Variants in MPP4 observed in about 807,000 individuals in gnomAD.
MPP4 encodes MAGUK p55 subfamily member 4.
In MPP4, 91 loss-of-function variants were observed where a neutral mutation model predicts 98.3. The observed-to-expected ratio is 0.93, with a 90% CI of 0.78 to 1.10. The LOEUF is 1.10. MPP4 is among the 50% of genes least tolerant of loss of function. The pLI is 0.00. For synonymous variants in MPP4, 261 were observed against 271.8 expected (o/e 0.96, Z 0.39); for missense variants, 744 against 792.9 (o/e 0.94, Z 0.74).
chr2:201,681,037 G>C lies in MPP4; in HGVS notation c.733-3C>G. ...TCAGTCATGGCACGGACGTACACCT[G>C]ATGGCAGGTGCATAATGACGCTATC... is the stretch of plus-strand genomic sequence containing the variant. On this transcript the variant is annotated splice_region_variant and splice_polypyrimidine_tract_variant and intron_variant, in intron 9 of 21. Coordinates refer to ENST00000409474, the MANE Select transcript of MPP4 (RefSeq NM_033066.3). The C allele has an allele frequency of 6.2e-7, 1 of 1,606,768 alleles. No individual in the cohort carries two copies. Among genetic ancestry groups the C allele is most frequent in the Non-Finnish European group, 8.5e-7 (1 of 1,174,050 alleles).
rs1393900511 is a variant in MPP4, at chr2:201,657,601, G to GTTT, written c.1129+873_1129+875dup. ...GAACCCTGGCCCTTGTTTTTTTTTT[G>GTTT]TTTTTTTGTTTTTTTTTGCTTATTG... On this transcript the variant is annotated intron_variant, in intron 16 of 21. Coordinates refer to ENST00000409474, the MANE Select transcript of MPP4 (RefSeq NM_033066.3). 2.9e-5 allele frequency among the ~76,000 whole-genome samples: 3 copies of GTTT among 104,994 alleles called. 1 individual carries two copies. The highest frequency in any genetic ancestry group is 3.8e-5 in the Non-Finnish European group (2 of 52,220). 68.9% of individuals were successfully genotyped at this position (104,994 alleles called of 152,430 possible).
At chr2:201,697,141 C>T (rs1689212220) in intron 1 of MPP4, among the ~76,000 whole-genome samples, 1 of 152,168 alleles carries the variant, frequency 6.6e-6, no homozygotes, top group Admixed American at 6.5e-5. Context: ...GAAAACGCGG[C>T]CATCTGAAAG....
intron 10 of MPP4, among the ~76,000 whole-genome samples, chr2:201,678,726 T>C (rs112973475): frequency 2.6e-5 from 4 of 152,062 alleles, no homozygotes; most frequent in African/African-American, 9.6e-5. Flanking sequence ...GGCCTGGAGG[T>C]GGGGGGTGTG....
rs1574601468 is a variant in MPP4, at chr2:201,654,769, G to C, written c.1381+68C>G. 3.6e-6 allele frequency: 4 copies of C among 1,115,452 alleles called. No homozygotes were observed. In the East Asian group the frequency reaches 7.9e-5, roughly 22 times the overall value. 69.1% of individuals were successfully genotyped at this position (1,115,452 alleles called of 1,614,324 possible). A position where few individuals can be genotyped will look rare whatever the true frequency, so the allele number is the denominator to read the frequency against. ...TTTACAACAAAGATGGAATGACATAGTTAAATGAGATCAGCAAAGAAAGTT... is the reference window on the plus strand; with the variant it reads ...TTTACAACAAAGATGGAATGACATACTTAAATGAGATCAGCAAAGAAAGTT... On this transcript the variant is annotated intron_variant, in intron 18 of 21. Transcript: ENST00000409474.
rs557830984 is a variant in MPP4, at chr2:201,659,433, T to C, written c.1087+899A>G. On this transcript the variant is annotated intron_variant, in intron 15 of 21. Transcript: ENST00000409474. ...TTCAAACTCCTGTTTCTCCTTTCAT[T>C]GAGATCTCAGGAAAAAACTCCAGAA... 3.9e-5 allele frequency among the ~76,000 whole-genome samples: 6 copies of C among 152,300 alleles called. No homozygotes were observed. In the East Asian group the frequency reaches 7.7e-4, roughly 20 times the overall value.
intron 14 of MPP4, chr2:201,662,097 A>G: frequency 2.6e-6 from 1 of 382,960 alleles, no homozygotes; most frequent in Admixed American, 3.1e-5. Flanking sequence ...TTTTATAACT[A>G]ATATTTGTAG....
At chr2:201,690,554 A>T (rs1344721794) in intron 3 of MPP4, among the ~76,000 whole-genome samples, 1 of 152,204 alleles carries the variant, frequency 6.6e-6, no homozygotes, top group Non-Finnish European at 1.5e-5. Context: ...TCAAACTTTT[A>T]ATCTTGTTAA....
chr2:201,684,237 T>C (rs1453513293), intron 7 of MPP4, among the ~76,000 whole-genome samples: 1 of 150,080 alleles, frequency 6.7e-6, no homozygotes, highest in Non-Finnish European at 1.5e-5. Flanking sequence ...AAAAAAAAAG[T>C]TTTTAGAAGA....
At chr2:201,693,476 G>GA (rs1689096286) in intron 2 of MPP4, among the ~76,000 whole-genome samples, 1 of 152,064 alleles carries the variant, frequency 6.6e-6, no homozygotes, top group Non-Finnish European at 1.5e-5. Flanking sequence ...GAGTGATATT[G>GA]AAAAATTCTA....
chr2:201,654,194 T>A (rs921907123), intron 18 of MPP4, among the ~76,000 whole-genome samples: 3 of 152,120 alleles, frequency 2.0e-5, no homozygotes, highest in Non-Finnish European at 1.5e-5. Flanking sequence ...CAAGCTGGTC[T>A]TGAACTCCTG....
intron 15 of MPP4, among the ~76,000 whole-genome samples, chr2:201,660,006 G>A (rs533580373): frequency 1.3e-5 from 2 of 151,962 alleles, no homozygotes; most frequent in African/African-American, 2.4e-5. Context: ...ACTTAGATAT[G>A]TCAGTAAGTT....
At chr2:201,690,064 T>C (rs999778102) in intron 4 of MPP4, 138 bp downstream of exon 4, 1 of 514,860 alleles carries the variant, frequency 1.9e-6, no homozygotes, top group Non-Finnish European at 3.4e-6. Flanking sequence ...TATATTAAAG[T>C]TCAATTAGAA....
At position 201,685,916 on chromosome 2, in the gene MPP4, T is replaced by C; in HGVS notation, c.492+3A>G. 2 of 1,610,106 alleles carry C rather than the reference T, an allele frequency of 1.2e-6. No individual in the cohort carries two copies. The highest frequency in any genetic ancestry group is 1.7e-6 in the Non-Finnish European group (2 of 1,176,940). ...ATGGAAAGATAAAAAATGATTTCCT[T>C]ACCAGGGGCTGTTGGTTTTTCACTA... is the stretch of plus-strand genomic sequence containing the variant. On this transcript the variant is annotated splice_donor_region_variant and intron_variant, in intron 6 of 21. Transcript: ENST00000409474.
chr2:201,689,749 TG>T (rs1688950916), intron 4 of MPP4, among the ~76,000 whole-genome samples: 1 of 151,444 alleles, frequency 6.6e-6, no homozygotes, highest in Non-Finnish European at 1.5e-5. Context: ...GAAGAGTGGG[TG>T]GGGGTGATCG....
intron 2 of MPP4, among the ~76,000 whole-genome samples, chr2:201,693,643 C>T (rs1689100427): frequency 6.6e-6 from 1 of 152,152 alleles, no homozygotes; most frequent in Admixed American, 6.5e-5. Flanking sequence ...TTACATAAAA[C>T]ATTGTCAGGT....
intron 14 of MPP4, among the ~76,000 whole-genome samples, chr2:201,662,447 G>C (rs896523832): frequency 7.3e-6 from 1 of 136,126 alleles, no homozygotes; most frequent in East Asian, 2.2e-4. Flanking sequence ...ATTGCAGTGA[G>C]CCCAGATCAC....
chr2:201,647,572 A>AG lies in MPP4; in HGVS notation c.1719+118dup, dbSNP rs1687598551. ...CCATTTTATTGAGGGCCTTTTGGAGAGGGGGTCAAAAAGGAGGAGGAGGAC... is the reference window on the plus strand; with the variant it reads ...CCATTTTATTGAGGGCCTTTTGGAGAGGGGGGTCAAAAAGGAGGAGGAGGAC... On this transcript the variant is annotated intron_variant, in intron 21 of 21. Transcript: ENST00000409474. The AG allele has an allele frequency of 5.8e-6, 6 of 1,037,442 alleles. No homozygotes were observed. The South Asian group carries it at 1.3e-4, about 23-fold the overall frequency. The allele number at this position is 1,037,442 out of a possible 1,614,324, so 64.3% of individuals were successfully genotyped here.
chr2:201,674,982 C>CCAAT (rs926377319), intron 11 of MPP4: 1 of 666,568 alleles, frequency 1.5e-6, no homozygotes, highest in Non-Finnish European at 2.7e-6. Context: ...TCTGATCCAA[C>CCAAT]CAATCAGTAG....
chr2:201,691,822 A>G (rs1269493660), intron 3 of MPP4, among the ~76,000 whole-genome samples: 1 of 152,172 alleles, frequency 6.6e-6, no homozygotes, highest in Admixed American at 6.5e-5. Context: ...CTGGGCCAGA[A>G]GAAACTTTAG....
Sources: gnomAD v4.1 joint callset for allele counts (sites outside exome capture counted in the v4.1 genomes callset) on GRCh38, gnomAD v4.1.1 for gene constraint, MANE v1.5 for transcripts, NCBI Gene and HGNC (gene_info 2026-07-23, HGNC 2026-07-21) for gene names.